Variants in CAP2 observed in about 807,000 individuals in gnomAD.
The protein encoded by CAP2 is cyclase associated actin cytoskeleton regulatory protein 2.
A neutral mutation model predicts 57.7 loss-of-function variants in CAP2; 24 were observed. That is an observed-to-expected ratio of 0.42 (90% CI 0.30 to 0.58). The LOEUF is 0.58. CAP2 is among the 20% of genes least tolerant of loss of function. The probability of loss-of-function intolerance (pLI) is 0.22; values close to 1 mark genes in which losing one functional copy is unlikely to be tolerated. For missense variants in CAP2, 501 were observed against 590.3 expected, an observed-to-expected ratio of 0.85 and a Z score of 1.57; for synonymous variants, 194 against 207.2, an observed-to-expected ratio of 0.94 and a Z score of 0.55.
intron 1 of CAP2, among the ~76,000 whole-genome samples, chr6:17,399,856 G>A (rs1233521262): frequency 6.6e-6 from 1 of 152,152 alleles, no homozygotes; most frequent in African/African-American, 2.4e-5. Flanking sequence ...ACATAGAAGG[G>A]AGGTAACCTA....
intron 1 of CAP2, among the ~76,000 whole-genome samples, chr6:17,399,822 T>C (rs1445640087): frequency 6.6e-6 from 1 of 152,140 alleles, no homozygotes; most frequent in Non-Finnish European, 1.5e-5. Flanking sequence ...TCTGAGAGGC[T>C]GAAGGAGGGT....
At chr6:17,400,187 C>T (rs1300039293) in intron 1 of CAP2, among the ~76,000 whole-genome samples, 2 of 152,160 alleles carry the variant, frequency 1.3e-5, no homozygotes, top group African/African-American at 4.8e-5. Context: ...GATCATGCCA[C>T]TGCATTCCAG....
intron 12 of CAP2, 70 bp downstream of exon 12, chr6:17,551,674 T>G (rs1226004557): frequency 8.3e-7 from 1 of 1,204,760 alleles, no homozygotes; most frequent in Non-Finnish European, 1.2e-6. Context: ...TAGAGATTGA[T>G]TAATCAGCTA....
intron 4 of CAP2, among the ~76,000 whole-genome samples, chr6:17,499,697 A>C (rs1018682336): frequency 2.6e-5 from 4 of 151,986 alleles, no homozygotes; most frequent in African/African-American, 9.7e-5. Context: ...CAAAAAATCA[A>C]AAACTTAGCC....
chr6:17,523,135 TG>T (rs1281850399), intron 7 of CAP2, among the ~76,000 whole-genome samples: 1 of 152,194 alleles, frequency 6.6e-6, no homozygotes, highest in African/African-American at 2.4e-5. Flanking sequence ...TGATACGTGT[TG>T]GGAGACTTTA....
chr6:17,501,908 G>C (rs1183306392), intron 4 of CAP2, among the ~76,000 whole-genome samples: 1 of 152,132 alleles, frequency 6.6e-6, no homozygotes, highest in African/African-American at 2.4e-5. Context: ...CTTCCATGTT[G>C]GTCCTTTCCA....
In CAP2 at chr6:17,551,482, A is replaced by G. The variant is rs747813434; in HGVS notation, c.1228A>G (p.Thr410Ala). 1 of 1,607,890 alleles carries G rather than the reference A, an allele frequency of 6.2e-7. No homozygotes were observed. The highest frequency in any genetic ancestry group is 8.5e-7 in the Non-Finnish European group (1 of 1,176,826). Reference protein sequence around the residue: ...IQIQVMGRVPTISINKTEGCH... With the variant: ...IQIQVMGRVPAISINKTEGCH... ...ATTTCAGGTAATGGGGAGAGTGCCA[A>G]CAATTTCCATTAATAAGACAGAAGG... The change falls in exon 12 of 13, where the codon ACA (threonine) becomes GCA (alanine). Residue 410 changes from threonine to alanine, a missense_variant. Thr to Ala is a moderately conservative substitution (Grantham distance 58, BLOSUM62 0). Transcript: ENST00000229922.
At chr6:17,539,232 T>TCAATG (rs1276330633) in intron 7 of CAP2, 37 bp from the exon 8 acceptor site, 9 of 1,572,342 alleles carry the variant, frequency 5.7e-6, no homozygotes, top group East Asian at 2.3e-5. Context: ...GGGCGCAGTC[T>TCAATG]CAATGCAATG....
intron 4 of CAP2, among the ~76,000 whole-genome samples, chr6:17,483,545 CTG>C (rs1426280430): frequency 6.6e-6 from 1 of 152,202 alleles, no homozygotes; most frequent in African/African-American, 2.4e-5. Flanking sequence ...CACAGTTGGA[CTG>C]GGATTCATTC....
At chr6:17,537,855 T>A (rs867473395) in intron 7 of CAP2, among the ~76,000 whole-genome samples, 24 of 151,920 alleles carry the variant, frequency 1.6e-4, no homozygotes, top group Admixed American at 4.6e-4. Context: ...AATCTTGAGG[T>A]CAGGAGTTCG....
intron 3 of CAP2, among the ~76,000 whole-genome samples, chr6:17,450,773 G>A (rs571812688): frequency 1.3e-5 from 2 of 151,824 alleles, no homozygotes; most frequent in Admixed American, 6.6e-5. Context: ...TCCTTTCTCC[G>A]CCAATGAGAG....
intron 11 of CAP2, among the ~76,000 whole-genome samples, chr6:17,543,546 A>G (rs868170825): frequency 7.4e-5 from 11 of 147,792 alleles, no homozygotes; most frequent in Admixed American, 2.8e-4. Flanking sequence ...GCGTGAACCC[A>G]GGAGGTGGAG....
At chr6:17,437,230 T>C (rs1030697399) in intron 3 of CAP2, among the ~76,000 whole-genome samples, 1 of 152,156 alleles carries the variant, frequency 6.6e-6, no homozygotes, top group Non-Finnish European at 1.5e-5. Context: ...TCCATGAAAT[T>C]GACCCTTGGT....
chr6:17,530,818 C>CTTTTT, intron 7 of CAP2: 1 of 535,780 alleles, frequency 1.9e-6, no homozygotes, highest in Non-Finnish European at 3.2e-6. Context: ...TGGTCTCCCA[C>CTTTTT]TTTTTTTTTT....
At chr6:17,496,034 G>GGGC (rs1761661370) in intron 4 of CAP2, among the ~76,000 whole-genome samples, 3 of 117,186 alleles carry the variant, frequency 2.6e-5, no homozygotes, top group Non-Finnish European at 4.8e-5. Context: ...GGGTGGGGGG[G>GGGC]GGGGGTAAGT....
intron 3 of CAP2, among the ~76,000 whole-genome samples, chr6:17,437,093 G>T (rs1759913531): frequency 6.6e-6 from 1 of 152,168 alleles, no homozygotes. Context: ...ATTCTACATT[G>T]TGGTGAGTTG....
chr6:17,546,709 C>T (rs1561824363), intron 11 of CAP2, among the ~76,000 whole-genome samples: 1 of 152,100 alleles, frequency 6.6e-6, no homozygotes, highest in African/African-American at 2.4e-5. Flanking sequence ...TTATGACAAA[C>T]CCACAGGCAA....
At chr6:17,442,015 G>A (rs1760093681) in intron 3 of CAP2, among the ~76,000 whole-genome samples, 1 of 151,866 alleles carries the variant, frequency 6.6e-6, no homozygotes, top group Non-Finnish European at 1.5e-5. Flanking sequence ...ACTCGTTATT[G>A]CCTGTACAAA....
intron 4 of CAP2, 68 bp downstream of exon 4, chr6:17,463,141 C>A: frequency 9.2e-7 from 1 of 1,090,704 alleles, no homozygotes; most frequent in Admixed American, 1.8e-5. Context: ...AACAAGGAGG[C>A]AACAGAAGCA....
Sources: allele counts gnomAD v4.1 joint callset (sites outside exome capture counted in the v4.1 genomes callset), GRCh38; gene constraint gnomAD v4.1.1; transcripts MANE v1.5; gene names NCBI Gene and HGNC (gene_info 2026-07-23, HGNC 2026-07-21).